Variants in CD207 observed in about 807,000 individuals in gnomAD.
CD207 encodes C-type lectin domain family 4 member K.
A neutral mutation model predicts 31.6 loss-of-function variants in CD207; 28 were observed. That is an observed-to-expected ratio of 0.89 (90% CI 0.66 to 1.21). The LOEUF (loss-of-function observed/expected upper bound fraction) is 1.21, where lower values mean the gene tolerates loss of function less well. Among genes scored for constraint, CD207 ranks in the 50% most tolerant of loss-of-function variants. CD207 has a pLI of 0.00. For synonymous variants in CD207, 168 were observed against 153.9 expected (o/e 1.09, Z -0.68); for missense variants, 388 against 397.8 (o/e 0.98, Z 0.21).
the CD207 span, among the ~76,000 whole-genome samples, chr2:70,824,621 C>CAAAAAAAAAAAAAAA: frequency 1.0e-3 from 40 of 38,254 alleles, 7 homozygotes; most frequent in South Asian, 2.6e-3. Flanking sequence ...TGCTTAGTTA[C>CAAAAAAAAAAAAAAA]CAAAAAAAAA....
chr2:70,832,443 A>T (rs782701809), intron 4 of CD207, among the ~76,000 whole-genome samples: 1 of 152,246 alleles, frequency 6.6e-6, no homozygotes, highest in Non-Finnish European at 1.5e-5. Context: ...TGGAATCATT[A>T]AGGCTGTTCA....
At chr2:70,835,005 G>A (rs1677572816) in intron 2 of CD207, among the ~76,000 whole-genome samples, 1 of 152,218 alleles carries the variant, frequency 6.6e-6, no homozygotes. Flanking sequence ...CGAGTCCTGG[G>A]GAGAGGGGAC....
At chr2:70,824,621 CCAAAAA>C in the CD207 span, among the ~76,000 whole-genome samples, 21 of 38,252 alleles carry the variant, frequency 5.5e-4, no homozygotes, top group Admixed American at 2.6e-3. Flanking sequence ...TGCTTAGTTA[CCAAAAA>C]AAAAAAAAAA....
At position 70,830,942 on chromosome 2, in the gene CD207, A is replaced by G. The variant is rs1558626968; in HGVS notation, c.*108T>C. On this transcript the variant is annotated 3_prime_UTR_variant, in exon 6 of 6. Transcript: ENST00000410009. ...TGCCACTGTGGGACAATTTTGAAGC[A>G]AGAAAAATTAACGTGCAAAGTCATC... The G allele has an allele frequency of 5.5e-6, 6 of 1,083,268 alleles. No individual in the cohort carries two copies. Among genetic ancestry groups the G allele is most frequent in the Non-Finnish European group, 7.8e-6 (6 of 770,168 alleles). The allele number at this position is 1,083,268 out of a possible 1,614,324, so 67.1% of individuals were successfully genotyped here. A position where few individuals can be genotyped will look rare whatever the true frequency, so the allele number is the denominator to read the frequency against.
At chr2:70,826,703 G>A (rs1363414399), downstream of CD207, among the ~76,000 whole-genome samples, 2 of 152,148 alleles carry the variant, frequency 1.3e-5, no homozygotes, top group Non-Finnish European at 2.9e-5. Context: ...GTAAGTGCTA[G>A]TTCTGCTTCT....
chr2:70,831,379 A>G (rs1288844032), intron 5 of CD207, among the ~76,000 whole-genome samples, 179 bp from the exon 6 acceptor site: 1 of 152,134 alleles, frequency 6.6e-6, no homozygotes, highest in Non-Finnish European at 1.5e-5. Context: ...AAGCTTTCAC[A>G]TGCCCCAAGT....
downstream of CD207, among the ~76,000 whole-genome samples, chr2:70,828,989 C>T (rs1465024254): frequency 1.3e-5 from 2 of 152,192 alleles, no homozygotes; most frequent in Non-Finnish European, 2.9e-5. Context: ...TCCCCTGCCT[C>T]ATAGCTTCTG....
Position 70,830,986 on chromosome 2 carries a change from A to T in CD207, c.*64T>A. Reference sequence around the variant, plus strand: ...AGTCATCCTGGAGTCTGGGGAAGAAAGAGGCATTTCCTCATGTTTAACAAG... The same window carrying T: ...AGTCATCCTGGAGTCTGGGGAAGAATGAGGCATTTCCTCATGTTTAACAAG... On this transcript the variant is annotated 3_prime_UTR_variant, in exon 6 of 6. Coordinates refer to ENST00000410009, the MANE Select transcript of CD207 (RefSeq NM_015717.5). 3 of 1,467,576 alleles carry T rather than the reference A, an allele frequency of 2.0e-6. No homozygotes were observed. The East Asian group carries it at 6.9e-5, about 34-fold the overall frequency. The allele number at this position is 1,467,576 out of a possible 1,614,324, so 90.9% of individuals were successfully genotyped here. A position where few individuals can be genotyped will look rare whatever the true frequency, so the allele number is the denominator to read the frequency against.
chr2:70,829,610 G>A (rs13414647), downstream of CD207, among the ~76,000 whole-genome samples: 13,816 of 152,228 alleles, frequency 0.091, 934 homozygotes, highest in African/African-American at 0.18. Flanking sequence ...CTGGTGAGAG[G>A]CAGGGAACTC....
At chr2:70,828,002 A>C (rs894617846), downstream of CD207, among the ~76,000 whole-genome samples, 18 of 152,294 alleles carry the variant, frequency 1.2e-4, no homozygotes, top group Admixed American at 4.6e-4. Context: ...CTGCCAAATC[A>C]GAAAAAAAAA....
chr2:70,824,273 C>T, the CD207 span, among the ~76,000 whole-genome samples: 2 of 109,468 alleles, frequency 1.8e-5, no homozygotes, highest in East Asian at 2.4e-4. Flanking sequence ...CATTTACAGG[C>T]CTGAATGCAA....
chr2:70,827,416 A>G (rs549096421), downstream of CD207, among the ~76,000 whole-genome samples: 1 of 151,926 alleles, frequency 6.6e-6, no homozygotes. Context: ...AGAGGCAGAG[A>G]GAAAGGAGGG....
downstream of CD207, among the ~76,000 whole-genome samples, chr2:70,829,339 G>A (rs1677414650): frequency 6.6e-6 from 1 of 152,220 alleles, no homozygotes; most frequent in Admixed American, 6.5e-5. Context: ...AGTCTACTGG[G>A]GAAAGATATC....
chr2:70,834,071 AGTGGGG>A, intron 2 of CD207, 51 bp from the exon 3 acceptor site: 1 of 1,448,990 alleles, frequency 6.9e-7, no homozygotes, highest in Non-Finnish European at 9.1e-7. Context: ...CAGGGACAGG[AGTGGGG>A]GTGTTGTCAG....
rs1486899949 is a variant in CD207 at position 70,833,766 on chromosome 2, T to C, written c.445A>G (p.Thr149Ala). Residue 149 changes from threonine (T) to alanine (A), a missense_variant, in exon 3 of 6, where the codon ACC becomes GCC. By Grantham distance (58) the Thr-to-Ala change is moderately conservative (BLOSUM62 0). Coordinates refer to ENST00000410009, the MANE Select transcript of CD207 (RefSeq NM_015717.5). Reference sequence around the variant, plus strand: ...AACTCTGGGATTTGGGCATTTAAGGTACTGACTTCTTCCCAACTTCTTGTT... The same window carrying C: ...AACTCTGGGATTTGGGCATTTAAGGCACTGACTTCTTCCCAACTTCTTGTT... ...ILTRSWEEVS[T>A]LNAQIPELKS... 5.0e-6 allele frequency: 8 copies of C among 1,613,932 alleles called. No homozygotes were observed. Among genetic ancestry groups the C allele is most frequent in the Non-Finnish European group, 6.8e-6 (8 of 1,179,908 alleles).
At chr2:70,828,157 G>A (rs1281286955), downstream of CD207, among the ~76,000 whole-genome samples, 1 of 152,180 alleles carries the variant, frequency 6.6e-6, no homozygotes, top group Non-Finnish European at 1.5e-5. Flanking sequence ...ATGATACGAG[G>A]AGCTGCCCAG....
At chr2:70,825,713 A>AC (rs1553398819), downstream of CD207, among the ~76,000 whole-genome samples, 2 of 148,250 alleles carry the variant, frequency 1.3e-5, no homozygotes, top group East Asian at 3.9e-4. Flanking sequence ...TAAGTTTTGT[A>AC]TTTTTTTTTT....
rs13421115 is a variant in CD207, at chr2:70,831,053, C to T, written c.984G>A (p.Pro328=). The T allele has an allele frequency of 0.26, 411,584 of 1,611,962 alleles. 55,972 individuals are homozygous for T. Among genetic ancestry groups the T allele is most frequent in the Non-Finnish European group, 0.28 (332,855 of 1,178,656 alleles). Residue 328 remains proline, a synonymous_variant, in exon 6 of 6, where the codon CCG becomes CCA. Transcript: ENST00000410009. ...ICKRPYVPSE[P] is the part of the protein sequence containing the mutation. ...GTGAGCTTGGGAGCCTGTCCTGTCA[C>T]GGTTCTGATGGGACATAGGGTCGCT...
chr2:70,833,814 C>T lies in CD207; in HGVS notation c.397G>A (p.Ala133Thr). ...FLKLKTSVEK[A>T]NAQIQILTRS... ...GTTAAGATCTGGATCTGTGCGTTGG[C>T]CTTCTCCACACTGGTTTTTAACTTC... Residue 133 changes from alanine (A) to threonine (T), a missense_variant, in exon 3 of 6, where the codon GCC becomes ACC. Physicochemically the swap from Ala to Thr is moderately conservative, Grantham distance 58. Transcript: ENST00000410009. 1 of 1,613,996 alleles carries T rather than the reference C, an allele frequency of 6.2e-7. No homozygotes were observed. The highest frequency in any genetic ancestry group is 8.5e-7 in the Non-Finnish European group (1 of 1,179,880).
Sources: gnomAD v4.1 joint callset for allele counts (sites outside exome capture counted in the v4.1 genomes callset) on GRCh38, gnomAD v4.1.1 for gene constraint, MANE v1.5 for transcripts, NCBI Gene and HGNC (gene_info 2026-07-23, HGNC 2026-07-21) for gene names.